Variants in TBX20 observed in about 807,000 individuals in gnomAD.
TBX20 encodes T-box transcription factor 20.
TBX20 carries 8 observed loss-of-function variants against 42.9 expected under a neutral mutation model. The observed-to-expected ratio is 0.19, with a 90% CI of 0.11 to 0.34. The LOEUF (loss-of-function observed/expected upper bound fraction) is 0.34. Ranked by LOEUF, TBX20 falls within the 10% of genes least tolerant of loss-of-function variation. The probability of loss-of-function intolerance (pLI) is 1.00; values close to 1 mark genes in which losing one functional copy is unlikely to be tolerated. For missense variants in TBX20, 411 were observed against 566.0 expected (o/e 0.73, Z 2.78); for synonymous variants, 198 against 222.8 (o/e 0.89, Z 0.99).
chr7:35,243,996 A>G (rs1156968051), intron 4 of TBX20, among the ~76,000 whole-genome samples: 1 of 152,238 alleles, frequency 6.6e-6, no homozygotes, highest in Admixed American at 6.5e-5. Context: ...TTGTTGAGAA[A>G]GGTCTTCAAA....
At chr7:35,227,159 T>A (rs542053037) in intron 6 of TBX20, among the ~76,000 whole-genome samples, 60 of 152,216 alleles carry the variant, frequency 3.9e-4, no homozygotes, top group African/African-American at 1.3e-3. Context: ...TTTGTACAGT[T>A]GTACAATGTG....
At chr7:35,217,333 A>C (rs1280479517) in intron 6 of TBX20, among the ~76,000 whole-genome samples, 4 of 152,194 alleles carry the variant, frequency 2.6e-5, no homozygotes, top group Admixed American at 2.0e-4. Flanking sequence ...AAATTCTGAC[A>C]AAGTACAGAT....
chr7:35,218,530 A>T (rs1207587632), intron 6 of TBX20, among the ~76,000 whole-genome samples: 1 of 152,206 alleles, frequency 6.6e-6, no homozygotes, highest in Non-Finnish European at 1.5e-5. Context: ...GGAAGTTTAA[A>T]ATCAAAATAC....
intron 5 of TBX20, among the ~76,000 whole-genome samples, chr7:35,239,503 G>A (rs1487579625): frequency 6.6e-6 from 1 of 152,222 alleles, no homozygotes; most frequent in Admixed American, 6.5e-5. Context: ...ATATTGAAGT[G>A]TATGAAAAGG....
chr7:35,210,404 C>T (rs371652784), intron 6 of TBX20, among the ~76,000 whole-genome samples: 7 of 152,102 alleles, frequency 4.6e-5, no homozygotes, highest in South Asian at 4.2e-4. Flanking sequence ...TGTGAGCCAC[C>T]GTGCCTGGCC....
intron 6 of TBX20, among the ~76,000 whole-genome samples, chr7:35,211,908 A>G (rs535559312): frequency 6.6e-6 from 1 of 152,106 alleles, no homozygotes; most frequent in Non-Finnish European, 1.5e-5. Flanking sequence ...ATTTGGTATT[A>G]TTTCTTCATG....
intron 6 of TBX20, among the ~76,000 whole-genome samples, chr7:35,222,661 G>GCAGCA (rs1438089123): frequency 1.3e-5 from 2 of 152,142 alleles, no homozygotes; most frequent in Admixed American, 6.5e-5. Context: ...ATTGTGCAGT[G>GCAGCA]CAGCACAATC....
In TBX20 at chr7:35,232,945, G is replaced by A. The variant is rs149046322; in HGVS notation, c.814-1365C>T. On this transcript the variant is annotated intron_variant, in intron 5 of 7. Transcript: ENST00000408931. ...GCTGACACGAGAATCACCTGAACCC[G>A]GGAGGCAGAGGTTGCAGTGAGCCGA... 6.0e-3 allele frequency among the ~76,000 whole-genome samples: 910 copies of A among 152,252 alleles called. 17 individuals are homozygous for A. Among genetic ancestry groups the A allele is most frequent in the Non-Finnish European group, 4.3e-3 (292 of 68,006 alleles).
intron 6 of TBX20, among the ~76,000 whole-genome samples, chr7:35,210,120 T>A (rs1306707275): frequency 6.7e-6 from 1 of 148,954 alleles, no homozygotes; most frequent in African/African-American, 2.5e-5. Flanking sequence ...TTTTCTTTTT[T>A]TTTTTTTTTT....
intron 3 of TBX20, among the ~76,000 whole-genome samples, chr7:35,245,845 T>C (rs141604972): frequency 6.6e-6 from 1 of 152,214 alleles, no homozygotes; most frequent in African/African-American, 2.4e-5. Context: ...ACGCCTTAAA[T>C]GCAGCTCTTT....
At chr7:35,210,921 A>G (rs1427762799) in intron 6 of TBX20, among the ~76,000 whole-genome samples, 1 of 151,992 alleles carries the variant, frequency 6.6e-6, no homozygotes, top group Non-Finnish European at 1.5e-5. Flanking sequence ...AAGTCTGGCT[A>G]TTTGTTTTCT....
rs1035261737 is a variant in TBX20 at position 35,253,927 on chromosome 7, G to A, written c.-307C>T. 9 of 353,912 alleles carry A rather than the reference G, an allele frequency of 2.5e-5. No homozygotes were observed. Among genetic ancestry groups the A allele is most frequent in the African/African-American group, 4.2e-5 (2 of 47,564 alleles). 21.9% of individuals were successfully genotyped at this position (353,912 alleles called of 1,614,324 possible). ...ACGACAGTCTGCACAGCCCGAAGGC[G>A]GAAACGAGCATCAACTGCACAAAGT... On this transcript the variant is annotated 5_prime_UTR_variant, in exon 1 of 8. Transcript: ENST00000408931.
chr7:35,215,005 T>G lies in TBX20; in HGVS notation c.891-10423A>C, dbSNP rs1466737141. 5.9e-5 allele frequency among the ~76,000 whole-genome samples: 9 copies of G among 152,220 alleles called. No homozygotes were observed. The East Asian group carries it at 1.7e-3, about 29-fold the overall frequency. ...CTTAATTTGTTTTTTAAAAAAAGAGTGTAATAGTTACATCTCTAAAAAGCC... is the reference window on the plus strand; with the variant it reads ...CTTAATTTGTTTTTTAAAAAAAGAGGGTAATAGTTACATCTCTAAAAAGCC... On this transcript the variant is annotated intron_variant, in intron 6 of 7. Coordinates refer to ENST00000408931, the MANE Select transcript of TBX20 (RefSeq NM_001077653.2).
chr7:35,231,161 A>G (rs1288050061), intron 6 of TBX20, among the ~76,000 whole-genome samples: 1 of 152,224 alleles, frequency 6.6e-6, no homozygotes, highest in African/African-American at 2.4e-5. Context: ...GTAAAAGGCT[A>G]TCACGGTTCT....
intron 5 of TBX20, among the ~76,000 whole-genome samples, chr7:35,238,310 T>A (rs901910801): frequency 2.0e-5 from 3 of 152,126 alleles, no homozygotes; most frequent in South Asian, 2.1e-4. Flanking sequence ...AAACCAAATC[T>A]CAGGCATTAT....
chr7:35,247,651 C>T (rs895263282), intron 3 of TBX20, among the ~76,000 whole-genome samples: 8 of 152,206 alleles, frequency 5.3e-5, no homozygotes, highest in South Asian at 2.1e-4. Context: ...AAGTACCAGC[C>T]GTAACTTAAC....
intron 1 of TBX20, among the ~76,000 whole-genome samples, chr7:35,252,721 C>T (rs866988588): frequency 8.5e-5 from 13 of 152,280 alleles, no homozygotes; most frequent in Middle Eastern, 3.4e-3. Context: ...ACTTCTTTTT[C>T]CCTCAGTTGT....
chr7:35,217,114 TGACTC>T (rs1387994117), intron 6 of TBX20, among the ~76,000 whole-genome samples: 2 of 152,190 alleles, frequency 1.3e-5, no homozygotes, highest in Non-Finnish European at 2.9e-5. Context: ...AAAAACAAAA[TGACTC>T]TAACTTAATC....
chr7:35,231,784 T>C (rs574051625), intron 5 of TBX20, among the ~76,000 whole-genome samples: 1 of 151,838 alleles, frequency 6.6e-6, no homozygotes, highest in South Asian at 2.1e-4. Context: ...AGAGAGGAGG[T>C]ATTGAGGACA....
Sources: allele counts gnomAD v4.1 joint callset (sites outside exome capture counted in the v4.1 genomes callset), GRCh38; gene constraint gnomAD v4.1.1; transcripts MANE v1.5; gene names NCBI Gene and HGNC (gene_info 2026-07-23, HGNC 2026-07-21).